The following APC variants were observed in gnomAD, a reference collection of about 807,000 sequenced individuals.
APC encodes adenomatous polyposis coli protein.
Under a neutral mutation model 247.0 loss-of-function variants are expected in APC, and 72 were observed. That is an observed-to-expected ratio of 0.29 (90% CI 0.24 to 0.35). The LOEUF (loss-of-function observed/expected upper bound fraction) is 0.35, where lower values mean the gene tolerates loss of function less well. Among genes scored for constraint, APC ranks in the 10% least tolerant of loss-of-function variants. The pLI is 1.00. For missense variants in APC, 3,400 were observed against 3,360.7 expected (o/e 1.01, Z -0.29); for synonymous variants, 1,254 against 1,162.5 (o/e 1.08, Z -1.60).
chr5:112,745,834 G>A (rs1366957130), intron 1 of APC, among the ~76,000 whole-genome samples: 2 of 152,030 alleles, frequency 1.3e-5, no homozygotes, highest in Non-Finnish European at 2.9e-5. Flanking sequence ...GATTACACGC[G>A]TGAGCCACCA....
chr5:112,804,882 C>T (rs540326776), intron 8 of APC, among the ~76,000 whole-genome samples: 8 of 151,950 alleles, frequency 5.3e-5, no homozygotes, highest in Non-Finnish European at 1.2e-4. Context: ...CTTGGGAGGC[C>T]GTGTGGGAGG....
chr5:112,723,815 G>A (rs1297311437), intron 1 of APC, among the ~76,000 whole-genome samples: 1 of 152,172 alleles, frequency 6.6e-6, no homozygotes, highest in Non-Finnish European at 1.5e-5. Context: ...TCTAGTATAA[G>A]AGTTTTCTTC....
At chr5:112,818,464 C>T (rs1284729475) in intron 9 of APC, among the ~76,000 whole-genome samples, 1 of 151,262 alleles carries the variant, frequency 6.6e-6, no homozygotes, top group Admixed American at 6.6e-5. Context: ...ATATTATCAT[C>T]TGACGAGAAT....
intron 14 of APC, among the ~76,000 whole-genome samples, chr5:112,834,400 C>T (rs1483051988): frequency 6.6e-6 from 1 of 151,960 alleles, no homozygotes; most frequent in Non-Finnish European, 1.5e-5. Flanking sequence ...TGCCATGAAG[C>T]CCGGCTAATT....
At chr5:112,764,007 G>A (rs577773813) in intron 2 of APC, among the ~76,000 whole-genome samples, 3 of 151,826 alleles carry the variant, frequency 2.0e-5, no homozygotes, top group Non-Finnish European at 2.9e-5. Context: ...GGAGGCTGAC[G>A]CGGGCGGATG....
At chr5:112,812,882 T>A (rs1171298173) in intron 8 of APC, among the ~76,000 whole-genome samples, 1 of 152,220 alleles carries the variant, frequency 6.6e-6, no homozygotes, top group Non-Finnish European at 1.5e-5. Flanking sequence ...AGTCAATAGC[T>A]GGTGGCAGTG....
At chr5:112,728,720 A>G (rs776362425) in intron 1 of APC, among the ~76,000 whole-genome samples, 3 of 151,810 alleles carry the variant, frequency 2.0e-5, no homozygotes, top group African/African-American at 4.8e-5. Flanking sequence ...TTTTCCTGCA[A>G]TCATATTTTC....
Position 112,841,643 on chromosome 5 carries a change from A to G in APC, c.6049A>G (p.Thr2017Ala). Residue 2017 changes from threonine to alanine, a missense_variant, in exon 16 of 16, where the codon ACC (threonine) becomes GCC (alanine). Transcript: ENST00000257430. The surrounding 1 kb of genome is among the most constrained non-coding windows in gnomAD (Gnocchi z 4.6). ...TCCTAAATCATTTCATGTTGAAGAT[A>G]CCCCAGTTTGTTTCTCAAGAAACAG... ...YAPKSFHVED[T>A]PVCFSRNSSL... is the part of the protein sequence containing the mutation. The G allele has an allele frequency of 6.2e-7, 1 of 1,613,540 alleles. No homozygotes were observed. The highest frequency in any genetic ancestry group is 8.5e-7 in the Non-Finnish European group (1 of 1,179,472).
chr5:112,750,767 C>T (rs147391066), intron 1 of APC, among the ~76,000 whole-genome samples: 3 of 152,192 alleles, frequency 2.0e-5, no homozygotes, highest in South Asian at 2.1e-4. Flanking sequence ...TCCATACCAT[C>T]CTTTGAAGAG....
Position 112,838,499 on chromosome 5 carries a change from A to AC in APC, c.2905_2906insC (p.Ser969ThrfsTer2), listed in dbSNP as rs1131691139. On this transcript the variant is annotated frameshift_variant, in exon 16 of 16. Coordinates refer to ENST00000257430, the MANE Select transcript of APC (RefSeq NM_000038.6). LOFTEE classifies it high-confidence loss of function. ...AAATGATAGTTTAAATAGTGTCAGT[A>AC]GTAGTGATGGTTATGGTAAAAGAGG... 6.2e-7 allele frequency: 1 copy of AC among 1,614,236 alleles called. No homozygotes were observed. The highest frequency in any genetic ancestry group is 8.5e-7 in the Non-Finnish European group (1 of 1,180,038).
rs1580642209 is a variant in APC, at chr5:112,839,552, G to A, written c.3958G>A (p.Val1320Met). ...TGGAACTAGGTCAGCTGAAGATCCTGTGAGCGAAGTTCCAGCAGTGTCACA... is the reference window on the plus strand; with the variant it reads ...TGGAACTAGGTCAGCTGAAGATCCTATGAGCGAAGTTCCAGCAGTGTCACA... ...KIGTRSAEDP[V>M]SEVPAVSQHP... The change falls in exon 16 of 16, where the codon GTG (valine) becomes ATG (methionine). Residue 1320 changes from valine (V) to methionine (M), a missense_variant. Val to Met is a conservative substitution (Grantham distance 21). This residue lies in a region of APC where 715 missense variants were observed against 656.6 expected (regional missense o/e 1.09). Transcript: ENST00000257430. This position sits in a 1 kb window ranked among gnomAD's most constrained non-coding sequence, Gnocchi z 5.0. The A allele has an allele frequency of 1.2e-6, 2 of 1,614,188 alleles. No homozygotes were observed. The highest frequency in any genetic ancestry group is 2.2e-5 in the South Asian group (2 of 91,086).
At chr5:112,717,853 TATG>T (rs1169873227) in intron 1 of APC, among the ~76,000 whole-genome samples, 29 of 151,242 alleles carry the variant, frequency 1.9e-4, no homozygotes, top group African/African-American at 6.0e-4. Context: ...ACTAGTTTAG[TATG>T]TTAGGCCTTC....
intron 9 of APC, among the ~76,000 whole-genome samples, chr5:112,816,015 A>AT (rs1256835152): frequency 6.6e-6 from 1 of 152,206 alleles, no homozygotes; most frequent in African/African-American, 2.4e-5. Context: ...CTAATTTTTA[A>AT]TTCTTTTTCA....
chr5:112,805,999 T>C (rs1359235643), intron 8 of APC, among the ~76,000 whole-genome samples: 1 of 152,202 alleles, frequency 6.6e-6, no homozygotes, highest in African/African-American at 2.4e-5. Flanking sequence ...CATCTTGCTC[T>C]CACACCTCCA....
At chr5:112,789,741 T>C (rs1351349659) in intron 6 of APC, among the ~76,000 whole-genome samples, 1 of 152,196 alleles carries the variant, frequency 6.6e-6, no homozygotes, top group Non-Finnish European at 1.5e-5. Context: ...CACCTGGTTA[T>C]GGAAATGATC....
intron 6 of APC, among the ~76,000 whole-genome samples, chr5:112,785,139 A>G (rs1333006950): frequency 2.6e-5 from 4 of 152,194 alleles, no homozygotes; most frequent in East Asian, 1.9e-4. Context: ...CGTCATCACT[A>G]TTATTTAACT....
intron 14 of APC, 148 bp downstream of exon 14, chr5:112,829,120 C>A: frequency 3.2e-6 from 2 of 630,384 alleles, no homozygotes; most frequent in East Asian, 3.0e-5. Context: ...TTTTTTGCTG[C>A]CTTCTTTTAG....
intron 9 of APC, among the ~76,000 whole-genome samples, chr5:112,817,243 C>T (rs1046875113): frequency 3.9e-5 from 6 of 152,136 alleles, no homozygotes; most frequent in Non-Finnish European, 7.3e-5. Flanking sequence ...TCGATTAACT[C>T]GAATTCCATT....
At chr5:112,823,059 TG>T (rs1350640277) in intron 11 of APC, among the ~76,000 whole-genome samples, 1 of 152,364 alleles carries the variant, frequency 6.6e-6, no homozygotes, top group Admixed American at 6.5e-5. Flanking sequence ...GTTAATCTTA[TG>T]AATTCTCCCC....
Sources: allele counts gnomAD v4.1 joint callset (sites outside exome capture counted in the v4.1 genomes callset), GRCh38; gene constraint gnomAD v4.1.1; regional missense constraint gnomAD v4.1.1; non-coding constraint Gnocchi (gnomAD v3.1); transcripts MANE v1.5; gene names NCBI Gene and HGNC (gene_info 2026-07-23, HGNC 2026-07-21).